PLCL1: variants seen among roughly 807,000 people sequenced by gnomAD.
PLCL1 encodes the protein phospholipase C like 1 (inactive), also known as inactive phospholipase C-like protein 1.
Under a neutral mutation model 84.4 loss-of-function variants are expected in PLCL1, and 41 were observed. The observed-to-expected ratio is 0.49, with a 90% CI of 0.38 to 0.63. The LOEUF (loss-of-function observed/expected upper bound fraction) is 0.63, where lower values mean the gene tolerates loss of function less well. Ranked by LOEUF, PLCL1 falls within the 30% of genes least tolerant of loss-of-function variation. The pLI is 0.00. For missense variants in PLCL1, 1,206 were observed against 1,367.8 expected (o/e 0.88, Z 1.87); for synonymous variants, 490 against 488.3 (o/e 1.00, Z -0.05).
intron 1 of PLCL1, among the ~76,000 whole-genome samples, chr2:197,979,903 C>A (rs1279376225): frequency 1.4e-4 from 22 of 152,204 alleles, no homozygotes; most frequent in Non-Finnish European, 1.5e-5. Context: ...CTATACCATT[C>A]ATTCACTCAT....
intron 1 of PLCL1, among the ~76,000 whole-genome samples, chr2:197,822,767 A>G (rs1690844210): frequency 6.6e-6 from 1 of 152,176 alleles, no homozygotes; most frequent in Non-Finnish European, 1.5e-5. Context: ...ACTGTGGTCC[A>G]CTGTAGTGGG....
At chr2:197,826,767 T>C (rs1690938090) in intron 1 of PLCL1, among the ~76,000 whole-genome samples, 1 of 152,088 alleles carries the variant, frequency 6.6e-6, no homozygotes, top group Admixed American at 6.6e-5. Context: ...GTAACAGAAG[T>C]ATAGTATAGA....
chr2:198,108,529 A>G (rs1037840510), intron 5 of PLCL1, among the ~76,000 whole-genome samples: 6 of 151,890 alleles, frequency 4.0e-5, no homozygotes, highest in Non-Finnish European at 7.4e-5. Context: ...TTTAGAGTAA[A>G]TTGAGCTGAG....
intron 1 of PLCL1, among the ~76,000 whole-genome samples, chr2:197,844,615 ATTATT>A (rs1050873881): frequency 9.4e-4 from 143 of 152,208 alleles, no homozygotes; most frequent in African/African-American, 3.3e-3. Flanking sequence ...TATCATTTTC[ATTATT>A]TTAATCTCTT....
chr2:197,937,786 A>G (rs1381755375), intron 1 of PLCL1, among the ~76,000 whole-genome samples: 1 of 152,238 alleles, frequency 6.6e-6, no homozygotes, highest in East Asian at 1.9e-4. Flanking sequence ...TTACAAAAGG[A>G]TTAAAAGAAC....
chr2:197,938,411 C>T (rs1574958697), intron 1 of PLCL1, among the ~76,000 whole-genome samples: 1 of 152,144 alleles, frequency 6.6e-6, no homozygotes. Context: ...TCCACAGAAG[C>T]GAATATGTAG....
chr2:197,809,307 C>T (rs1355324528), intron 1 of PLCL1, among the ~76,000 whole-genome samples: 1 of 152,174 alleles, frequency 6.6e-6, no homozygotes, highest in African/African-American at 2.4e-5. Flanking sequence ...GACTGAAAGT[C>T]ATGTCTGCTT....
rs770577631 is a variant in PLCL1 at position 198,083,933 on chromosome 2, C to A, written c.416C>A (p.Thr139Lys). 6.2e-7 allele frequency: 1 copy of A among 1,614,130 alleles called. No individual in the cohort carries two copies. The highest frequency in any genetic ancestry group is 1.7e-5 in the Admixed American group (1 of 60,008). ...RIYNRFFTLD[T>K]DLQALRWEPS... ...TACAACCGTTTTTTCACTCTGGACACAGACCTTCAAGCTCTTCGCTGGGAA... is the reference window on the plus strand; with the variant it reads ...TACAACCGTTTTTTCACTCTGGACAAAGACCTTCAAGCTCTTCGCTGGGAA... The change falls in exon 2 of 6, where the codon ACA (threonine) becomes AAA (lysine). Residue 139 changes from threonine to lysine, a missense_variant. Coordinates refer to ENST00000428675, the MANE Select transcript of PLCL1 (RefSeq NM_006226.4).
At chr2:197,939,784 A>T (rs1689122078) in intron 1 of PLCL1, among the ~76,000 whole-genome samples, 1 of 147,762 alleles carries the variant, frequency 6.8e-6, no homozygotes, top group African/African-American at 2.5e-5. Context: ...GGATTAAAGC[A>T]TCAGTGTTTT....
chr2:197,942,952 A>G (rs1337464921), intron 1 of PLCL1, among the ~76,000 whole-genome samples: 1 of 152,128 alleles, frequency 6.6e-6, no homozygotes, highest in African/African-American at 2.4e-5. Flanking sequence ...AACACCTGCA[A>G]TCCCATTACT....
intron 3 of PLCL1, among the ~76,000 whole-genome samples, chr2:198,091,596 C>CT (rs1336562985): frequency 3.3e-5 from 5 of 152,028 alleles, no homozygotes; most frequent in Admixed American, 6.6e-5. Context: ...AGGAGAATCG[C>CT]TTGAACCTGG....
chr2:198,019,754 A>G (rs1691089136), intron 1 of PLCL1, among the ~76,000 whole-genome samples: 1 of 152,234 alleles, frequency 6.6e-6, no homozygotes, highest in Admixed American at 6.5e-5. Context: ...GACCAAACCT[A>G]CATTTGATTG....
At chr2:198,081,578 A>G (rs1371728717) in intron 1 of PLCL1, among the ~76,000 whole-genome samples, 1 of 152,242 alleles carries the variant, frequency 6.6e-6, no homozygotes, top group East Asian at 1.9e-4. Flanking sequence ...AATTAAAAAC[A>G]GCAACTCTTT....
chr2:198,088,099 A>G (rs1278173336), intron 2 of PLCL1, among the ~76,000 whole-genome samples: 1 of 152,212 alleles, frequency 6.6e-6, no homozygotes, highest in Non-Finnish European at 1.5e-5. Flanking sequence ...ATTTTATATA[A>G]TCTTGAAATA....
intron 1 of PLCL1, among the ~76,000 whole-genome samples, chr2:197,840,728 C>A (rs1310939236): frequency 1.3e-5 from 2 of 152,162 alleles, no homozygotes; most frequent in African/African-American, 4.8e-5. Context: ...AACTCTTAAG[C>A]TGATGTGTGG....
chr2:197,914,658 G>A (rs1423133143), intron 1 of PLCL1, among the ~76,000 whole-genome samples: 1 of 152,176 alleles, frequency 6.6e-6, no homozygotes, highest in African/African-American at 2.4e-5. Flanking sequence ...GTCAGCACAT[G>A]AAAGAGATAC....
chr2:197,809,136 T>C (rs1690535462), intron 1 of PLCL1, among the ~76,000 whole-genome samples: 1 of 152,186 alleles, frequency 6.6e-6, no homozygotes, highest in Admixed American at 6.5e-5. Flanking sequence ...ATGGCTTTCC[T>C]CAGAGAGGCA....
intron 1 of PLCL1, among the ~76,000 whole-genome samples, chr2:197,921,961 G>C (rs1355713853): frequency 2.0e-5 from 3 of 150,230 alleles, no homozygotes; most frequent in East Asian, 2.0e-4. Context: ...CAGAATTCTA[G>C]GTACAGATAG....
intron 1 of PLCL1, among the ~76,000 whole-genome samples, chr2:197,923,343 G>A (rs1688758135): frequency 6.9e-6 from 1 of 145,194 alleles, no homozygotes; most frequent in Non-Finnish European, 1.5e-5. Flanking sequence ...CGGGTGGAGA[G>A]GCTCCTCACT....
Sources: allele counts gnomAD v4.1 joint callset (sites outside exome capture counted in the v4.1 genomes callset), GRCh38; gene constraint gnomAD v4.1.1; transcripts MANE v1.5; gene names NCBI Gene and HGNC (gene_info 2026-07-23, HGNC 2026-07-21).